The following PROC variants were observed in gnomAD, a reference collection of about 807,000 sequenced individuals.
The protein encoded by PROC is vitamin K-dependent protein C.
A neutral mutation model predicts 36.3 loss-of-function variants in PROC; 22 were observed. That is an observed-to-expected ratio of 0.61 (90% CI 0.43 to 0.86). The LOEUF (loss-of-function observed/expected upper bound fraction) is 0.86, where lower values mean the gene tolerates loss of function less well. PROC is among the 40% of genes least tolerant of loss of function. The pLI is 0.00. For missense variants in PROC, 526 were observed against 629.7 expected, an observed-to-expected ratio of 0.84 and a Z score of 1.76; for synonymous variants, 218 against 244.5, an observed-to-expected ratio of 0.89 and a Z score of 1.01.
At chr2:127,425,000 G>T (rs1685315461) in intron 6 of PROC, among the ~76,000 whole-genome samples, 1 of 152,224 alleles carries the variant, frequency 6.6e-6, no homozygotes, top group South Asian at 2.1e-4. Flanking sequence ...TCAGCTAAGA[G>T]CACCACTCCT....
At chr2:127,427,247 G>A (rs369610760) in intron 8 of PROC, 25 bp downstream of exon 8, 1 of 1,599,866 alleles carries the variant, frequency 6.3e-7, no homozygotes, top group Admixed American at 1.7e-5. Flanking sequence ...CAGGCAGAAG[G>A]GGGCTGCCAG....
chr2:127,423,544 C>A, intron 6 of PROC, 136 bp downstream of exon 6: 2 of 1,188,280 alleles, frequency 1.7e-6, no homozygotes, highest in Non-Finnish European at 2.3e-6. Flanking sequence ...CTTGGGGCAG[C>A]GGCAGACGCG....
In PROC at chr2:127,428,943, T is replaced by A; in HGVS notation, c.1383T>A (p.Pro461=). The A allele has an allele frequency of 1.9e-6, 3 of 1,613,846 alleles. No individual in the cohort carries two copies. The highest frequency in any genetic ancestry group is 2.2e-5 in the South Asian group (2 of 91,080). ...DKEAPQKSWA[P] is the part of the protein sequence containing the mutation. The stretch of plus-strand genomic sequence containing the variant: ...AAGCCCCCCAGAAGAGCTGGGCACC[T>A]TAGCGACCCTCCCTGCAGGGCTGGG... Residue 461 remains proline (P), a synonymous_variant, in exon 9 of 9, where the codon CCT becomes CCA. Transcript: ENST00000234071.
At chr2:127,419,733 C>A in intron 1 of PROC, 189 bp from the exon 2 acceptor site, 2 of 1,356,752 alleles carry the variant, frequency 1.5e-6, no homozygotes, top group Non-Finnish European at 2.0e-6. Flanking sequence ...AGTGTGAGCT[C>A]AGCCCCACGT....
At chr2:127,421,017 G>A (rs1314006621) in intron 2 of PROC, among the ~76,000 whole-genome samples, 2 of 152,174 alleles carry the variant, frequency 1.3e-5, no homozygotes, top group Non-Finnish European at 2.9e-5. Context: ...CTGGCTCAAG[G>A]TCACACAGAG....
chr2:127,423,538 G>C (rs775315113), intron 6 of PROC, 130 bp downstream of exon 6: 3 of 1,272,912 alleles, frequency 2.4e-6, no homozygotes, highest in South Asian at 1.6e-5. Context: ...TTGAGCCTTG[G>C]GGCAGCGGCA....
In PROC at chr2:127,420,000, C is replaced by T; in HGVS notation, c.58C>T (p.Pro20Ser). 6.2e-7 allele frequency: 1 copy of T among 1,613,582 alleles called. No homozygotes were observed. Among genetic ancestry groups the T allele is most frequent in the East Asian group, 2.2e-5 (1 of 44,880 alleles). The change falls in exon 2 of 9, where the codon CCA (proline) becomes TCA (serine). Residue 20 changes from proline to serine, a missense_variant. Coordinates refer to ENST00000234071, the MANE Select transcript of PROC (RefSeq NM_000312.4). ...GGCCACCTGGGGAATTTCCGGCACA[C>T]CAGCTCCTCTTGGTAAGGCCACCCC... is the stretch of plus-strand genomic sequence containing the variant. Reference protein sequence around the residue: ...FVATWGISGTPAPLDSVFSSS... With the variant: ...FVATWGISGTSAPLDSVFSSS...
At chr2:127,427,472 G>A (rs981140466) in intron 8 of PROC, among the ~76,000 whole-genome samples, 6 of 148,370 alleles carry the variant, frequency 4.0e-5, no homozygotes, top group African/African-American at 1.5e-4. Flanking sequence ...GCACACACAT[G>A]TTTGTGAGGG....
chr2:127,423,573 T>G (rs1359116075), intron 6 of PROC, 165 bp downstream of exon 6: 6 of 896,136 alleles, frequency 6.7e-6, no homozygotes, highest in Admixed American at 3.6e-5. Context: ...CCGGGGCCAC[T>G]GTTAGCGCAA....
chr2:127,424,354 C>T (rs1241085019), intron 6 of PROC, among the ~76,000 whole-genome samples: 1 of 152,172 alleles, frequency 6.6e-6, no homozygotes, highest in East Asian at 1.9e-4. Context: ...CATGCGCCAC[C>T]ACGCCCAGCT....
rs1263614946 is a variant in PROC at position 127,421,703 on chromosome 2, G to A, written c.237+254G>A. 2.6e-5 allele frequency among the ~76,000 whole-genome samples: 4 copies of A among 151,738 alleles called. No homozygotes were observed. The East Asian group carries it at 7.7e-4, about 29-fold the overall frequency. On this transcript the variant is annotated intron_variant, in intron 3 of 8. Coordinates refer to ENST00000234071, the MANE Select transcript of PROC (RefSeq NM_000312.4). ...GGGACTCCCACCAGCCACAGTGTAG[G>A]TGGTTCAGTCCACCCTCCAGCCACT...
At position 127,423,299 on chromosome 2, in the gene PROC, G is replaced by T. The variant is rs1316523313; in HGVS notation, c.426G>T (p.Leu142=). 2 of 1,549,972 alleles carry T rather than the reference G, an allele frequency of 1.3e-6. No homozygotes were observed. The highest frequency in any genetic ancestry group is 2.4e-5 in the South Asian group (2 of 84,062). Residue 142 remains leucine (L), a synonymous_variant, in exon 6 of 9, where the codon CTG becomes CTT. Transcript: ENST00000234071. ...QREVSFLNCS[L]DNGGCTHYCL... ...AGGTGAGCTTCCTCAATTGCTCGCT[G>T]GACAACGGCGGCTGCACGCATTACT... is the stretch of plus-strand genomic sequence containing the variant.
intron 8 of PROC, among the ~76,000 whole-genome samples, chr2:127,427,968 G>C (rs1438070115): frequency 6.6e-6 from 1 of 152,090 alleles, no homozygotes; most frequent in Non-Finnish European, 1.5e-5. Flanking sequence ...CTGCCCCTGG[G>C]GTCTCTCCAG....
In PROC at chr2:127,421,365, T is replaced by A; in HGVS notation, c.153T>A (p.Arg51=). The A allele has an allele frequency of 6.2e-7, 1 of 1,613,928 alleles. No homozygotes were observed. Among genetic ancestry groups the A allele is most frequent in the Non-Finnish European group, 8.5e-7 (1 of 1,179,952 alleles). The change falls in exon 3 of 9, where the codon CGT becomes CGA. Residue 51 remains arginine (R), a synonymous_variant. Transcript: ENST00000234071. ...CCAACTCCTTCCTGGAGGAGCTCCG[T>A]CACAGCAGCCTGGAGCGGGAGTGCA... The part of the protein sequence containing the change: ...KRANSFLEEL[R]HSSLERECIE...
Position 127,428,907 on chromosome 2 carries a change from C to T in PROC, c.1347C>T (p.Ile449=). Residue 449 remains isoleucine (I), a synonymous_variant, in exon 9 of 9, where the codon ATC becomes ATT. Coordinates refer to ENST00000234071, the MANE Select transcript of PROC (RefSeq NM_000312.4). ...ACCTCGACTGGATCCATGGGCACAT[C>T]AGAGACAAGGAAGCCCCCCAGAAGA... ...SRYLDWIHGH[I]RDKEAPQKSW... 4 of 1,614,002 alleles carry T rather than the reference C, an allele frequency of 2.5e-6. No homozygotes were observed. Among genetic ancestry groups the T allele is most frequent in the Non-Finnish European group, 3.4e-6 (4 of 1,180,018 alleles).
Position 127,426,354 on chromosome 2 carries a change from A to C in PROC, c.678+127A>C. ...TGCCATTGCGTTTGGGGGATGATGA[A>C]GGTGGGGGATGCTTCAGGGAAAGAT... On this transcript the variant is annotated intron_variant, in intron 7 of 8. Coordinates refer to ENST00000234071, the MANE Select transcript of PROC (RefSeq NM_000312.4). The surrounding 1 kb of genome is among the most constrained non-coding windows in gnomAD (Gnocchi z 7.0). 8.0e-7 allele frequency: 1 copy of C among 1,255,558 alleles called. No homozygotes were observed. Among genetic ancestry groups the C allele is most frequent in the Middle Eastern group, 2.3e-4 (1 of 4,282 alleles). 77.8% of individuals were successfully genotyped at this position (1,255,558 alleles called of 1,614,324 possible).
chr2:127,423,190 T>TGCTG lies in PROC; in HGVS notation c.400+22_400+25dup. On this transcript the variant is annotated intron_variant, in intron 5 of 8. Transcript: ENST00000234071. ...CAGCGCGGTGAGGGGGAGAGGTGGA[T>TGCTG]GCTGGCGGGCGGCGGGGCGGGGCTG... The TGCTG allele has an allele frequency of 6.8e-7, 1 of 1,464,802 alleles. No individual in the cohort carries two copies. The highest frequency in any genetic ancestry group is 1.2e-5 in the South Asian group (1 of 81,116). The allele number at this position is 1,464,802 out of a possible 1,614,324, so 90.7% of individuals were successfully genotyped here.
intron 1 of PROC, among the ~76,000 whole-genome samples, chr2:127,419,255 G>A (rs1267350087): frequency 1.3e-5 from 2 of 152,124 alleles, no homozygotes; most frequent in African/African-American, 4.8e-5. Flanking sequence ...CTATGAAATG[G>A]GGTTGACAGC....
At chr2:127,427,994 G>A (rs922911585) in intron 8 of PROC, among the ~76,000 whole-genome samples, 3 of 152,188 alleles carry the variant, frequency 2.0e-5, no homozygotes, top group East Asian at 1.9e-4. Context: ...TTTGCTCCAC[G>A]TTCCTTTGTG....
Sources: gnomAD v4.1 joint callset for allele counts (sites outside exome capture counted in the v4.1 genomes callset) on GRCh38, gnomAD v4.1.1 for gene constraint, Gnocchi (gnomAD v3.1) non-coding constraint, MANE v1.5 for transcripts, NCBI Gene and HGNC (gene_info 2026-07-23, HGNC 2026-07-21) for gene names.